PTPRD: variants seen among roughly 807,000 people sequenced by gnomAD.
PTPRD encodes the protein protein tyrosine phosphatase receptor type D.
A neutral mutation model predicts 214.5 loss-of-function variants in PTPRD; 34 were observed. The observed-to-expected ratio is 0.16, with a 90% CI of 0.12 to 0.21. The LOEUF (loss-of-function observed/expected upper bound fraction) is 0.21, where lower values mean the gene tolerates loss of function less well. Among genes scored for constraint, PTPRD ranks in the 10% least tolerant of loss-of-function variants. PTPRD has a pLI of 1.00. For synonymous variants in PTPRD, 1,128 were observed against 845.7 expected (o/e 1.33, Z -5.79); for missense variants, 2,545 against 2,398.7 (o/e 1.06, Z -1.27).
intron 8 of PTPRD, among the ~76,000 whole-genome samples, chr9:9,564,409 C>T (rs2083778866): frequency 6.6e-6 from 1 of 152,020 alleles, no homozygotes; most frequent in South Asian, 2.1e-4. Flanking sequence ...ACAGAGTTGG[C>T]ATGAGGAATG....
intron 11 of PTPRD, among the ~76,000 whole-genome samples, chr9:8,828,322 G>A (rs1330858643): frequency 6.6e-6 from 1 of 152,170 alleles, no homozygotes; most frequent in Non-Finnish European, 1.5e-5. Flanking sequence ...TAGGTCATGA[G>A]GGTGGATCCC....
intron 9 of PTPRD, among the ~76,000 whole-genome samples, chr9:9,202,022 A>C (rs2132332142): frequency 6.6e-6 from 1 of 152,340 alleles, no homozygotes; most frequent in African/African-American, 2.4e-5. Context: ...GGTGGAGTTC[A>C]GTGCAAGAAG....
chr9:9,244,516 G>A (rs1414209152), intron 9 of PTPRD, among the ~76,000 whole-genome samples: 4 of 152,064 alleles, frequency 2.6e-5, no homozygotes, highest in African/African-American at 9.7e-5. Flanking sequence ...TGACAAACCT[G>A]ACAAAAACAA....
At position 9,053,661 on chromosome 9, in the gene PTPRD, A is replaced by T. The variant is rs142586231; in HGVS notation, c.-142-34926T>A. 1.4e-4 allele frequency among the ~76,000 whole-genome samples: 21 copies of T among 152,266 alleles called. 1 individual carries two copies. In the East Asian group the frequency reaches 3.7e-3, roughly 27 times the overall value. ...TATTAAATTTCTGTTGCTTTAAGTG[A>T]CCAAGTCTGTGGTACTTTTTACAAT... is the stretch of plus-strand genomic sequence containing the variant. On this transcript the variant is annotated intron_variant, in intron 10 of 45. Transcript: ENST00000381196.
chr9:8,599,099 A>C (rs1442446392), intron 14 of PTPRD, among the ~76,000 whole-genome samples: 2 of 152,096 alleles, frequency 1.3e-5, no homozygotes, highest in African/African-American at 4.8e-5. Context: ...ATGAGACTTA[A>C]TACGTCTCAT....
At chr9:8,425,599 G>A (rs1205101852) in intron 35 of PTPRD, among the ~76,000 whole-genome samples, 1 of 152,112 alleles carries the variant, frequency 6.6e-6, no homozygotes, top group Non-Finnish European at 1.5e-5. Context: ...TGGGTACTCT[G>A]GGAAGACTCT....
chr9:10,317,051 T>C (rs1160198266), intron 3 of PTPRD, among the ~76,000 whole-genome samples: 1 of 152,040 alleles, frequency 6.6e-6, no homozygotes, highest in African/African-American at 2.4e-5. Flanking sequence ...AGTTTGCTAA[T>C]ACATTGTTTA....
intron 12 of PTPRD, among the ~76,000 whole-genome samples, chr9:8,655,831 C>A (rs1327549427): frequency 6.7e-6 from 1 of 149,564 alleles, no homozygotes; most frequent in Non-Finnish European, 1.5e-5. Flanking sequence ...TACTTCTGGT[C>A]TTTCCAAACT....
chr9:8,694,169 T>A (rs2097861431), intron 12 of PTPRD, among the ~76,000 whole-genome samples: 1 of 152,244 alleles, frequency 6.6e-6, no homozygotes. Context: ...AATGCAGAGC[T>A]AATAAATTTT....
rs568393172 is a variant in PTPRD, at chr9:8,793,741, A to C, written c.-103-59795T>G. On this transcript the variant is annotated intron_variant, in intron 11 of 45. Transcript: ENST00000381196. ...AAGACTGACAACATTTGCGCATGTA[A>C]TTTAAAATAACGCAAGTGCTTTATT... Among the ~76,000 whole-genome samples, 4 of 152,322 alleles carry C rather than the reference A, an allele frequency of 2.6e-5. No homozygotes were observed. The South Asian group carries it at 6.2e-4, about 24-fold the overall frequency.
At chr9:9,668,868 C>G (rs374948502) in intron 7 of PTPRD, among the ~76,000 whole-genome samples, 1 of 152,022 alleles carries the variant, frequency 6.6e-6, no homozygotes, top group Non-Finnish European at 1.5e-5. Flanking sequence ...AACTGCACTC[C>G]GTGAGGCAGA....
chr9:9,443,504 C>A (rs754747481), intron 8 of PTPRD, among the ~76,000 whole-genome samples: 2 of 152,198 alleles, frequency 1.3e-5, no homozygotes, highest in Non-Finnish European at 2.9e-5. Context: ...AGAAGTTTGA[C>A]TTTGCCAGAT....
At chr9:9,761,125 C>T (rs1008396839) in intron 6 of PTPRD, among the ~76,000 whole-genome samples, 1 of 152,106 alleles carries the variant, frequency 6.6e-6, no homozygotes, top group Non-Finnish European at 1.5e-5. Context: ...GTGTAACAGA[C>T]AAAAACTGGA....
intron 2 of PTPRD, among the ~76,000 whole-genome samples, chr9:10,416,896 C>A (rs562713330): frequency 2.6e-5 from 4 of 151,790 alleles, no homozygotes; most frequent in African/African-American, 7.2e-5. Flanking sequence ...TTCTAAGAGT[C>A]CTGGAAAATA....
At chr9:9,750,117 T>C (rs538392589) in intron 6 of PTPRD, among the ~76,000 whole-genome samples, 50 of 152,296 alleles carry the variant, frequency 3.3e-4, no homozygotes, top group African/African-American at 1.1e-3. Flanking sequence ...CTAATACAAA[T>C]TGTAAAAGTT....
At chr9:8,543,205 A>AGCT (rs2078945236) in intron 14 of PTPRD, among the ~76,000 whole-genome samples, 2 of 152,182 alleles carry the variant, frequency 1.3e-5, no homozygotes, top group South Asian at 4.1e-4. Context: ...AACAACCCAG[A>AGCT]GCTGCTCATT....
chr9:8,713,802 G>C, intron 12 of PTPRD: 2 of 1,536,578 alleles, frequency 1.3e-6, no homozygotes, highest in South Asian at 1.2e-5. Flanking sequence ...TTCAGCACAA[G>C]CCACGATTCA....
At chr9:10,605,472 C>G (rs1014271528) in intron 2 of PTPRD, among the ~76,000 whole-genome samples, 1 of 151,736 alleles carries the variant, frequency 6.6e-6, no homozygotes, top group African/African-American at 2.4e-5. Context: ...GAGAGTTGAA[C>G]ACACATAAGG....
intron 6 of PTPRD, among the ~76,000 whole-genome samples, chr9:9,736,839 T>C (rs2098306032): frequency 6.6e-6 from 1 of 152,048 alleles, no homozygotes; most frequent in African/African-American, 2.4e-5. Context: ...TGCGAGTCCT[T>C]TGTTGGTTAT....
Sources: allele counts gnomAD v4.1 joint callset (sites outside exome capture counted in the v4.1 genomes callset), GRCh38; gene constraint gnomAD v4.1.1; transcripts MANE v1.5; gene names NCBI Gene and HGNC (gene_info 2026-07-23, HGNC 2026-07-21).